Variants in ABHD17C observed in about 807,000 individuals in gnomAD.
The protein encoded by ABHD17C is alpha/beta hydrolase domain-containing protein 17C.
In ABHD17C, 11 loss-of-function variants were observed where a neutral mutation model predicts 27.9. The observed-to-expected ratio is 0.39, with a 90% CI of 0.25 to 0.65. The LOEUF is 0.65. ABHD17C is among the 30% of genes least tolerant of loss of function. The pLI, the probability that ABHD17C is intolerant of heterozygous loss-of-function variation, is 0.45. For synonymous variants in ABHD17C, 233 were observed against 209.1 expected, an observed-to-expected ratio of 1.11 and a Z score of -0.98; for missense variants, 280 against 470.2, an observed-to-expected ratio of 0.60 and a Z score of 3.74.
chr15:80,748,767 G>A (rs1321820732), intron 1 of ABHD17C, among the ~76,000 whole-genome samples: 1 of 149,796 alleles, frequency 6.7e-6, no homozygotes, highest in Non-Finnish European at 1.5e-5. Context: ...GAAGGCGGAA[G>A]GCATGGGGAA....
intron 1 of ABHD17C, among the ~76,000 whole-genome samples, chr15:80,713,679 G>C (rs1172745134): frequency 6.6e-6 from 1 of 151,844 alleles, no homozygotes; most frequent in Non-Finnish European, 1.5e-5. Flanking sequence ...CGTGGTGGCA[G>C]GCGCCTGTAA....
chr15:80,728,066 C>T (rs569837110), intron 1 of ABHD17C, among the ~76,000 whole-genome samples: 7 of 152,314 alleles, frequency 4.6e-5, no homozygotes, highest in African/African-American at 1.7e-4. Context: ...ATTCATCTAC[C>T]TGGCAGGAAC....
At chr15:80,744,292 C>T (rs1895253457) in intron 1 of ABHD17C, among the ~76,000 whole-genome samples, 1 of 152,056 alleles carries the variant, frequency 6.6e-6, no homozygotes, top group Non-Finnish European at 1.5e-5. Context: ...ATAATAATTT[C>T]CCAAGTAATT....
At chr15:80,698,657 T>G (rs1435763553) in intron 1 of ABHD17C, among the ~76,000 whole-genome samples, 1 of 152,232 alleles carries the variant, frequency 6.6e-6, no homozygotes, top group African/African-American at 2.4e-5. Context: ...ACCACTTTCC[T>G]CTTGCTGTTC....
At position 80,695,790 on chromosome 15, in the gene ABHD17C, GGCTGCATGTTCGTGCGCT is replaced by G; in HGVS notation, c.364_381del (p.Cys122_Cys127del). On this transcript the variant is annotated inframe_deletion, in exon 1 of 3. Transcript: ENST00000258884. The surrounding 1 kb of genome is among the most constrained non-coding windows in gnomAD (Gnocchi z 4.3). ...GCGCACGGCCCGGGACAACCGGCTC[GGCTGCATGTTCGTGCGCT>G]GCGCGCCCTCCAGCCGCTACACGCT... is the stretch of plus-strand genomic sequence containing the variant. 1 of 1,548,526 alleles carries G rather than the reference GGCTGCATGTTCGTGCGCT, an allele frequency of 6.5e-7. No homozygotes were observed. Among genetic ancestry groups the G allele is most frequent in the Non-Finnish European group, 8.7e-7 (1 of 1,155,516 alleles).
intron 1 of ABHD17C, among the ~76,000 whole-genome samples, chr15:80,727,153 G>A (rs1894992036): frequency 6.6e-6 from 1 of 152,226 alleles, no homozygotes. Flanking sequence ...AAGGAGACCT[G>A]ACCTTGATGT....
At position 80,754,660 on chromosome 15, in the gene ABHD17C, C is replaced by T; in HGVS notation, c.*290C>T. The T allele has an allele frequency of 3.2e-6, 1 of 310,826 alleles. No homozygotes were observed. Among genetic ancestry groups the T allele is most frequent in the East Asian group, 6.6e-5 (1 of 15,262 alleles). The allele number at this position is 310,826 out of a possible 1,614,324, so 19.3% of individuals were successfully genotyped here. A position where few individuals can be genotyped will look rare whatever the true frequency, so the allele number is the denominator to read the frequency against. On this transcript the variant is annotated 3_prime_UTR_variant, in exon 3 of 3. Transcript: ENST00000258884. ...ATTTTCTAGTGCTGTATAAAGTAGC[C>T]TCGCATCTGTTTCTCAACCTTATCC...
At chr15:80,753,597 A>T (rs1409356736) in intron 2 of ABHD17C, among the ~76,000 whole-genome samples, 1 of 151,954 alleles carries the variant, frequency 6.6e-6, no homozygotes, top group Non-Finnish European at 1.5e-5. Flanking sequence ...GCTGGAGTGC[A>T]GTGGCACGAT....
At chr15:80,744,211 C>T (rs924422737) in intron 1 of ABHD17C, among the ~76,000 whole-genome samples, 50 of 152,184 alleles carry the variant, frequency 3.3e-4, no homozygotes, top group Non-Finnish European at 3.2e-4. Context: ...TTGAAGAATC[C>T]GCACACCCAC....
At chr15:80,706,695 G>C (rs1214236302) in intron 1 of ABHD17C, among the ~76,000 whole-genome samples, 1 of 152,208 alleles carries the variant, frequency 6.6e-6, no homozygotes, top group Non-Finnish European at 1.5e-5. Context: ...TGTTTTTGGA[G>C]ACTGTCATGG....
At chr15:80,743,326 A>G (rs1322708918) in intron 1 of ABHD17C, among the ~76,000 whole-genome samples, 1 of 152,020 alleles carries the variant, frequency 6.6e-6, no homozygotes, top group African/African-American at 2.4e-5. Context: ...AGGCCTCTAG[A>G]TCCGCACTCA....
At chr15:80,753,383 G>A (rs1370053496) in intron 2 of ABHD17C, among the ~76,000 whole-genome samples, 1 of 152,136 alleles carries the variant, frequency 6.6e-6, no homozygotes, top group Non-Finnish European at 1.5e-5. Context: ...AAAAACTAGT[G>A]AAATCCAAAT....
At position 80,699,651 on chromosome 15, in the gene ABHD17C, C is replaced by G. The variant is rs144886194; in HGVS notation, c.590+3632C>G. Reference sequence around the variant, plus strand: ...GTAAATACTACCAGTGTGCAGACCCCTCATGCATGGATAAAGACAGTGAAT... The same window carrying G: ...GTAAATACTACCAGTGTGCAGACCCGTCATGCATGGATAAAGACAGTGAAT... On this transcript the variant is annotated intron_variant, in intron 1 of 2. Transcript: ENST00000258884. Among the ~76,000 whole-genome samples, 352 of 152,330 alleles carry G rather than the reference C, an allele frequency of 2.3e-3. 1 individual carries two copies. The highest frequency in any genetic ancestry group is 7.0e-3 in the African/African-American group (291 of 41,574).
At chr15:80,706,456 C>T (rs962112654) in intron 1 of ABHD17C, among the ~76,000 whole-genome samples, 4 of 152,254 alleles carry the variant, frequency 2.6e-5, no homozygotes, top group African/African-American at 4.8e-5. Context: ...AAAGGAAAAA[C>T]GAGCGTAGAG....
At chr15:80,743,094 G>T (rs992282189) in intron 1 of ABHD17C, among the ~76,000 whole-genome samples, 4 of 152,114 alleles carry the variant, frequency 2.6e-5, no homozygotes, top group African/African-American at 9.7e-5. Context: ...TAGATTCAGA[G>T]ACTTGGATAT....
At chr15:80,734,078 G>A (rs899472849) in intron 1 of ABHD17C, among the ~76,000 whole-genome samples, 12 of 151,946 alleles carry the variant, frequency 7.9e-5, no homozygotes, top group Non-Finnish European at 1.8e-4. Context: ...TCCACGTCCC[G>A]GACTCAAACC....
chr15:80,697,995 A>G (rs776209969), intron 1 of ABHD17C, among the ~76,000 whole-genome samples: 12 of 152,150 alleles, frequency 7.9e-5, no homozygotes, highest in Non-Finnish European at 1.6e-4. Context: ...ACCTGAAGCC[A>G]ATGCTTCACA....
chr15:80,706,550 G>GA (rs1206085674), intron 1 of ABHD17C, among the ~76,000 whole-genome samples: 3 of 152,114 alleles, frequency 2.0e-5, no homozygotes, highest in African/African-American at 7.2e-5. Context: ...TATTTTGGGG[G>GA]AAAAATGTAA....
chr15:80,749,075 T>C lies in ABHD17C; in HGVS notation c.591-438T>C, dbSNP rs181159403. 4.6e-5 allele frequency among the ~76,000 whole-genome samples: 7 copies of C among 152,312 alleles called. No homozygotes were observed. In the East Asian group the frequency reaches 1.3e-3, roughly 29 times the overall value. On this transcript the variant is annotated intron_variant, in intron 1 of 2. Coordinates refer to ENST00000258884, the MANE Select transcript of ABHD17C (RefSeq NM_021214.2). Reference sequence around the variant, plus strand: ...TTTTCTGATAAATGTTAATATATTTTGTATCATGATAACTTTGCTTCGAGT... The same window carrying C: ...TTTTCTGATAAATGTTAATATATTTCGTATCATGATAACTTTGCTTCGAGT...
Sources: allele counts gnomAD v4.1 joint callset (sites outside exome capture counted in the v4.1 genomes callset), GRCh38; gene constraint gnomAD v4.1.1; non-coding constraint Gnocchi (gnomAD v3.1); transcripts MANE v1.5; gene names NCBI Gene and HGNC (gene_info 2026-07-23, HGNC 2026-07-21).